ARFGEF2: variants seen among roughly 807,000 people sequenced by gnomAD.
The protein encoded by ARFGEF2 is ARF guanine nucleotide exchange factor 2.
In ARFGEF2, 74 loss-of-function variants were observed where a neutral mutation model predicts 219.9. The ratio of observed to expected loss-of-function variants is 0.34; its 90% confidence interval spans 0.28 to 0.41. The LOEUF is 0.41. ARFGEF2 is among the 10% of genes least tolerant of loss of function. The pLI, the probability that ARFGEF2 is intolerant of heterozygous loss-of-function variation, is 1.00. For synonymous variants in ARFGEF2, 733 were observed against 799.2 expected, an observed-to-expected ratio of 0.92 and a Z score of 1.40; for missense variants, 1,743 against 2,218.3, an observed-to-expected ratio of 0.79 and a Z score of 4.30.
chr20:48,959,467 T>TTCTC (rs1568705387), intron 6 of ARFGEF2, among the ~76,000 whole-genome samples: 10 of 2,274 alleles, frequency 4.4e-3, no homozygotes, highest in Admixed American at 8.0e-3. Context: ...CTCCCTCCCT[T>TTCTC]CTTCTCTCCT....
In ARFGEF2 at chr20:49,012,198, C is replaced by A; in HGVS notation, c.3918+114C>A. ...CTACTCTTTTAGAAATGTGTGTTTG[C>A]CCTAAATTAGGTGTTTATTTCAAAA... On this transcript the variant is annotated intron_variant, in intron 28 of 38. Coordinates refer to ENST00000371917, the MANE Select transcript of ARFGEF2 (RefSeq NM_006420.3). The A allele has an allele frequency of 7.9e-6, 11 of 1,398,708 alleles. No individual in the cohort carries two copies. In the South Asian group the frequency reaches 1.3e-4, roughly 17 times the overall value. The allele number at this position is 1,398,708 out of a possible 1,614,324, so 86.6% of individuals were successfully genotyped here. A position where few individuals can be genotyped will look rare whatever the true frequency, so the allele number is the denominator to read the frequency against.
chr20:48,952,370 G>C (rs1168416352), intron 4 of ARFGEF2, among the ~76,000 whole-genome samples: 3 of 151,966 alleles, frequency 2.0e-5, no homozygotes, highest in African/African-American at 7.3e-5. Context: ...TGGCCAGGCT[G>C]GTCTTGAACT....
chr20:48,948,393 A>G (rs1369831970), intron 3 of ARFGEF2, among the ~76,000 whole-genome samples: 2 of 152,176 alleles, frequency 1.3e-5, no homozygotes, highest in East Asian at 3.8e-4. Flanking sequence ...GTACAGAGGC[A>G]CACACAGGGT....
intron 25 of ARFGEF2, among the ~76,000 whole-genome samples, chr20:49,001,822 G>C: frequency 6.6e-6 from 1 of 152,054 alleles, no homozygotes; most frequent in Admixed American, 6.5e-5. Context: ...ATATTGTCTT[G>C]GTTTGTTTCG....
chr20:48,971,554 C>T (rs540526051), intron 10 of ARFGEF2, among the ~76,000 whole-genome samples, 200 bp downstream of exon 10: 1 of 152,218 alleles, frequency 6.6e-6, no homozygotes, highest in South Asian at 2.1e-4. Context: ...TCGGCTGGCA[C>T]CCCAGTAAAT....
Position 48,994,445 on chromosome 20 carries a change from T to C in ARFGEF2, c.2974-6T>C. The C allele has an allele frequency of 6.2e-7, 1 of 1,614,036 alleles. No homozygotes were observed. The highest frequency in any genetic ancestry group is 8.5e-7 in the Non-Finnish European group (1 of 1,180,020). The stretch of plus-strand genomic sequence containing the variant: ...AACTCATTTCTTCATGCCTTCTTTC[T>C]CTTAGATCTTGAAATGCATCAGCCA... On this transcript the variant is annotated splice_region_variant and splice_polypyrimidine_tract_variant and intron_variant, in intron 21 of 38. Transcript: ENST00000371917.
chr20:48,967,619 T>C (rs1434684767), intron 8 of ARFGEF2, among the ~76,000 whole-genome samples: 2 of 152,210 alleles, frequency 1.3e-5, no homozygotes, highest in Non-Finnish European at 2.9e-5. Flanking sequence ...AGCAAGATCA[T>C]GTCTCATAAG....
chr20:48,936,466 G>A (rs879918084), intron 1 of ARFGEF2, among the ~76,000 whole-genome samples: 29 of 151,974 alleles, frequency 1.9e-4, no homozygotes, highest in Non-Finnish European at 3.1e-4. Flanking sequence ...GGCGGCTGCC[G>A]GGCGGAGGGG....
intron 1 of ARFGEF2, among the ~76,000 whole-genome samples, chr20:48,924,688 G>A (rs903280741): frequency 6.6e-6 from 1 of 152,128 alleles, no homozygotes; most frequent in Admixed American, 6.6e-5. Context: ...CAGCTTCTGT[G>A]ATATGATTCC....
In ARFGEF2 at chr20:48,973,134, T is replaced by G. The variant is rs763992267; in HGVS notation, c.1526-11T>G. On this transcript the variant is annotated splice_polypyrimidine_tract_variant and intron_variant, in intron 11 of 38. Coordinates refer to ENST00000371917, the MANE Select transcript of ARFGEF2 (RefSeq NM_006420.3). ...ATCAGAATTTCTGATACTTGTATGT[T>G]ATTTTCCAAGATGCCCAGTGTGTTG... 1.2e-6 allele frequency: 2 copies of G among 1,614,112 alleles called. No homozygotes were observed. The highest frequency in any genetic ancestry group is 1.7e-6 in the Non-Finnish European group (2 of 1,179,950).
rs866858183 is a variant in ARFGEF2 at position 49,012,128 on chromosome 20, A to G, written c.3918+44A>G. The G allele has an allele frequency of 5.0e-6, 8 of 1,612,846 alleles. No individual in the cohort carries two copies. In the Middle Eastern group the frequency reaches 1.2e-3, roughly 243 times the overall value. ...TACTCAGATGGGCAGTGAAGGGAAA[A>G]GGTCATGGAGCAGAAATTCTTGCTC... is the stretch of plus-strand genomic sequence containing the variant. On this transcript the variant is annotated intron_variant, in intron 28 of 38. Coordinates refer to ENST00000371917, the MANE Select transcript of ARFGEF2 (RefSeq NM_006420.3).
chr20:48,965,874 G>A lies in ARFGEF2; in HGVS notation c.910G>A (p.Ala304Thr). ...TGACTTTGTACTTGTGTTTTAAGAA[G>A]CAGCGGAAAAGCATGGTCTGACAGA... ...EDVVTSAIKE[A>T]AEKHGLTEPE... Residue 304 changes from alanine (A) to threonine (T), a missense_variant and splice_region_variant, in exon 8 of 39, where the codon GCA (alanine) becomes ACA (threonine). By Grantham distance (58) the Ala-to-Thr change is moderately conservative. This residue lies in a region of ARFGEF2 where 394 missense variants were observed against 426.6 expected (regional missense o/e 0.92). Coordinates refer to ENST00000371917, the MANE Select transcript of ARFGEF2 (RefSeq NM_006420.3). 1 of 1,614,138 alleles carries A rather than the reference G, an allele frequency of 6.2e-7. No homozygotes were observed. Among genetic ancestry groups the A allele is most frequent in the Admixed American group, 1.7e-5 (1 of 60,014 alleles).
chr20:48,999,630 C>T (rs1169086220), intron 25 of ARFGEF2, among the ~76,000 whole-genome samples: 2 of 151,820 alleles, frequency 1.3e-5, no homozygotes, highest in Non-Finnish European at 2.9e-5. Flanking sequence ...GCCTGTAGTC[C>T]CAGCTACTCA....
chr20:48,950,237 T>C (rs2091057164), intron 3 of ARFGEF2, among the ~76,000 whole-genome samples: 2 of 152,090 alleles, frequency 1.3e-5, no homozygotes, highest in Non-Finnish European at 2.9e-5. Context: ...TTGATGTAGG[T>C]GTGAAATGCA....
At chr20:48,956,826 C>T (rs1456739467) in intron 6 of ARFGEF2, among the ~76,000 whole-genome samples, 2 of 152,170 alleles carry the variant, frequency 1.3e-5, no homozygotes, top group Non-Finnish European at 2.9e-5. Flanking sequence ...GTGATCCACC[C>T]GTCTCGGCCT....
rs747924135 is a variant in ARFGEF2 at position 48,971,297 on chromosome 20, T to C, written c.1368T>C (p.Leu456=). 6.2e-7 allele frequency: 1 copy of C among 1,614,222 alleles called. No homozygotes were observed. The highest frequency in any genetic ancestry group is 2.2e-5 in the East Asian group (1 of 44,892). The change falls in exon 10 of 39, where the codon CTT becomes CTC. Residue 456 remains leucine, a synonymous_variant. Transcript: ENST00000371917. ...SSVPDVFELS[L]AIFLTLLSNF... ...TGCCTGATGTCTTTGAGCTCTCTCT[T>C]GCCATTTTTCTTACTCTTCTTTCAA... is the stretch of plus-strand genomic sequence containing the variant.
At chr20:48,994,204 G>A (rs892418973) in intron 21 of ARFGEF2, among the ~76,000 whole-genome samples, 2 of 152,160 alleles carry the variant, frequency 1.3e-5, no homozygotes, top group Admixed American at 6.5e-5. Flanking sequence ...GTCGTCTCAC[G>A]AGGAGGGTGG....
chr20:48,962,351 A>T (rs62212424), intron 6 of ARFGEF2, among the ~76,000 whole-genome samples: 2,753 of 152,328 alleles, frequency 0.018, 45 homozygotes, highest in South Asian at 0.024. Context: ...GTGCTGTGAC[A>T]TAATGACGGC....
rs6512558 is a variant in ARFGEF2, at chr20:48,971,620, G to C, written c.1425+266G>C. 0.12 allele frequency among the ~76,000 whole-genome samples: 18,519 copies of C among 152,194 alleles called. 1,772 individuals carry two copies. The highest frequency in any genetic ancestry group is 0.27 in the African/African-American group (11,254 of 41,492). ...TTTTTATAAAAAGTTACTGCCCCCA[G>C]CCTGGGCGCCATGGCTCACGCCTGT... On this transcript the variant is annotated intron_variant, in intron 10 of 38. Coordinates refer to ENST00000371917, the MANE Select transcript of ARFGEF2 (RefSeq NM_006420.3).
Sources: gnomAD v4.1 joint callset for allele counts (sites outside exome capture counted in the v4.1 genomes callset) on GRCh38, gnomAD v4.1.1 for gene constraint, gnomAD v4.1.1 regional missense constraint, MANE v1.5 for transcripts, NCBI Gene and HGNC (gene_info 2026-07-23, HGNC 2026-07-21) for gene names.